The following HRH3 variants were observed in gnomAD, a reference collection of about 807,000 sequenced individuals.
The protein encoded by HRH3 is histamine H3 receptor.
Under a neutral mutation model 21.6 loss-of-function variants are expected in HRH3, and 13 were observed. That is an observed-to-expected ratio of 0.60 (90% CI 0.39 to 0.96). The LOEUF (loss-of-function observed/expected upper bound fraction) is 0.96, where lower values mean the gene tolerates loss of function less well. Among genes scored for constraint, HRH3 ranks in the 40% least tolerant of loss-of-function variants. The pLI is 0.00. For synonymous variants in HRH3, 276 were observed against 290.3 expected (o/e 0.95, Z 0.50); for missense variants, 461 against 622.7 (o/e 0.74, Z 2.76).
In HRH3 at chr20:62,219,024, C is replaced by A. The variant is rs1182846886; in HGVS notation, c.251-367G>T. On this transcript the variant is annotated intron_variant, in intron 1 of 2. Transcript: ENST00000340177. This position sits in a 1 kb window ranked among gnomAD's most constrained non-coding sequence, Gnocchi z 8.7. ...AAGACAATTTCCTTCTCCCCTCCCC[C>A]GCTGGACTCCAGCCCCTACCCTGGC... is the stretch of plus-strand genomic sequence containing the variant. Among the ~76,000 whole-genome samples, 1 of 152,082 alleles carries A rather than the reference C, an allele frequency of 6.6e-6. No homozygotes were observed. Among genetic ancestry groups the A allele is most frequent in the Admixed American group, 6.5e-5 (1 of 15,270 alleles).
chr20:62,215,636 T>C lies in HRH3; in HGVS notation c.*370A>G, dbSNP rs200671893. On this transcript the variant is annotated 3_prime_UTR_variant, in exon 3 of 3. Coordinates refer to ENST00000340177, the MANE Select transcript of HRH3 (RefSeq NM_007232.3). ...GGTGTGTGCACGTGCAGAGGCAAAC[T>C]GCTAGGGCAGGAAGCCTGGAGCACA... The C allele has an allele frequency of 5.4e-5, 21 of 388,322 alleles. No individual in the cohort carries two copies. Among genetic ancestry groups the C allele is most frequent in the South Asian group, 2.1e-4 (10 of 47,426 alleles). 24.1% of individuals were successfully genotyped at this position (388,322 alleles called of 1,614,324 possible).
chr20:62,219,615 TG>T lies in HRH3; in HGVS notation c.250+105del. On this transcript the variant is annotated intron_variant, in intron 1 of 2. Coordinates refer to ENST00000340177, the MANE Select transcript of HRH3 (RefSeq NM_007232.3). This position sits in a 1 kb window ranked among gnomAD's most constrained non-coding sequence, Gnocchi z 8.7. ...CCCCTTCCCAGGCCGGGTCCCCTGG[TG>T]GGGCGTGTGCCTGCGGGAGCCACCC... 1 of 1,393,544 alleles carries T rather than the reference TG, an allele frequency of 7.2e-7. No individual in the cohort carries two copies. The highest frequency in any genetic ancestry group is 9.6e-7 in the Non-Finnish European group (1 of 1,043,566). 86.3% of individuals were successfully genotyped at this position (1,393,544 alleles called of 1,614,324 possible). A position where few individuals can be genotyped will look rare whatever the true frequency, so the allele number is the denominator to read the frequency against.
At position 62,216,060 on chromosome 20, in the gene HRH3, G is replaced by A. The variant is rs201271584; in HGVS notation, c.1284C>T (p.Cys428=). 4.0e-5 allele frequency: 64 copies of A among 1,604,592 alleles called. No individual in the cohort carries two copies. Among genetic ancestry groups the A allele is most frequent in the Non-Finnish European group, 5.4e-5 (64 of 1,176,310 alleles). ...GGGGCTGGATTTTGAGCTTCTGGGG[G>A]CAGAGCAGCTTGGTGAAGGCCCGGC... ...SFRRAFTKLL[C]PQKLKIQPHS... The change falls in exon 3 of 3, where the codon TGC becomes TGT. Residue 428 remains cysteine, a synonymous_variant. Coordinates refer to ENST00000340177, the MANE Select transcript of HRH3 (RefSeq NM_007232.3).
At chr20:62,217,121 C>T (rs41284990) in intron 2 of HRH3, among the ~76,000 whole-genome samples, 195 bp from the exon 3 acceptor site, 3,106 of 152,196 alleles carry the variant, frequency 0.02, 56 homozygotes, top group Non-Finnish European at 0.027. Context: ...TGGTGCCCTG[C>T]CACACTCAGT....
At position 62,216,312 on chromosome 20, in the gene HRH3, G is replaced by A. The variant is rs141729367; in HGVS notation, c.1032C>T (p.Phe344=). Residue 344 remains phenylalanine (F), a synonymous_variant, in exon 3 of 3, where the codon TTC becomes TTT. Coordinates refer to ENST00000340177, the MANE Select transcript of HRH3 (RefSeq NM_007232.3). ...EKRMKMVSQS[F]TQRFRLSRDR... is the part of the protein sequence containing the mutation. ...CCCGAGACAGCCGAAAGCGCTGGGTGAAGCTCTGGGACACCATCTTCATGC... is the reference window on the plus strand; with the variant it reads ...CCCGAGACAGCCGAAAGCGCTGGGTAAAGCTCTGGGACACCATCTTCATGC... 6.8e-4 allele frequency: 1,098 copies of A among 1,610,404 alleles called. 11 individuals are homozygous for A. The African/African-American group carries it at 0.013, about 19-fold the overall frequency.
rs1978670024 is a variant in HRH3 at position 62,218,441 on chromosome 20, T to C, written c.417+50A>G. 1.8e-5 allele frequency: 28 copies of C among 1,582,248 alleles called. No homozygotes were observed. The East Asian group carries it at 6.2e-4, about 35-fold the overall frequency. On this transcript the variant is annotated intron_variant, in intron 2 of 2. Transcript: ENST00000340177. The surrounding 1 kb of genome is among the most constrained non-coding windows in gnomAD (Gnocchi z 5.6). The stretch of plus-strand genomic sequence containing the variant: ...CCCACCCAGGTGCCTCCCATGGGCG[T>C]CCCGACTGTCCCTGCGGAGTGAACA...
chr20:62,215,110 C>G lies in HRH3; in HGVS notation c.*896G>C. On this transcript the variant is annotated 3_prime_UTR_variant, in exon 3 of 3. Transcript: ENST00000340177. ...GCCCGGGCACCTCCTCTGGACCGCCCCTGCACGCCTTGGGACCCTCGGGCC... is the reference window on the plus strand; with the variant it reads ...GCCCGGGCACCTCCTCTGGACCGCCGCTGCACGCCTTGGGACCCTCGGGCC... 2.8e-6 allele frequency: 1 copy of G among 352,084 alleles called. No homozygotes were observed. The highest frequency in any genetic ancestry group is 5.6e-6 in the Non-Finnish European group (1 of 178,348). 21.8% of individuals were successfully genotyped at this position (352,084 alleles called of 1,614,324 possible).
Position 62,216,355 on chromosome 20 carries a change from G to A in HRH3, c.989C>T (p.Ser330Leu), listed in dbSNP as rs769759411. The A allele has an allele frequency of 4.4e-6, 7 of 1,585,168 alleles. No individual in the cohort carries two copies. The highest frequency in any genetic ancestry group is 5.1e-6 in the Non-Finnish European group (6 of 1,165,262). Reference sequence around the variant, plus strand: ...CTTCATGCGCTTCTCCAGCGAGGCCGAGGACGCCGACGGCTTGGAGCCCCT... The same window carrying A: ...CTTCATGCGCTTCTCCAGCGAGGCCAAGGACGCCGACGGCTTGGAGCCCCT... The part of the protein sequence containing the change: ...LKRGSKPSAS[S>L]ASLEKRMKMV... The change falls in exon 3 of 3, where the codon TCG (serine) becomes TTG (leucine). Residue 330 changes from serine to leucine, a missense_variant. Ser to Leu is a moderately radical substitution (Grantham distance 145). Transcript: ENST00000340177.
chr20:62,218,562 G>A lies in HRH3; in HGVS notation c.346C>T (p.Leu116=), dbSNP rs749936943. 6.2e-7 allele frequency: 1 copy of A among 1,612,442 alleles called. No individual in the cohort carries two copies. Among genetic ancestry groups the A allele is most frequent in the Non-Finnish European group, 8.5e-7 (1 of 1,179,982 alleles). Residue 116 remains leucine (L), a synonymous_variant, in exon 2 of 3, where the codon CTG becomes TTG. Transcript: ENST00000340177. This position sits in a 1 kb window ranked among gnomAD's most constrained non-coding sequence, Gnocchi z 5.6. ...LCKLWLVVDY[L]LCTSSAFNIV... Reference sequence around the variant, plus strand: ...TTGAAGGCAGAGGAGGTGCACAGCAGGTAGTCCACTACCAGCCACAGCTTG... The same window carrying A: ...TTGAAGGCAGAGGAGGTGCACAGCAAGTAGTCCACTACCAGCCACAGCTTG...
In HRH3 at chr20:62,218,450, T is replaced by TC; in HGVS notation, c.417+40dup. The TC allele has an allele frequency of 6.3e-7, 1 of 1,597,542 alleles. No homozygotes were observed. Among genetic ancestry groups the TC allele is most frequent in the East Asian group, 2.3e-5 (1 of 44,428 alleles). ...GTGCCTCCCATGGGCGTCCCGACTG[T>TC]CCCTGCGGAGTGAACAGGAGCTCCG... On this transcript the variant is annotated intron_variant, in intron 2 of 2. Coordinates refer to ENST00000340177, the MANE Select transcript of HRH3 (RefSeq NM_007232.3). The surrounding 1 kb of genome is among the most constrained non-coding windows in gnomAD (Gnocchi z 5.6).
chr20:62,217,914 C>T (rs1372030487), intron 2 of HRH3, among the ~76,000 whole-genome samples: 1 of 152,186 alleles, frequency 6.6e-6, no homozygotes, highest in Non-Finnish European at 1.5e-5. Context: ...AAACAACCTG[C>T]CCTCAGTCCT....
In HRH3 at chr20:62,216,863, C is replaced by A; in HGVS notation, c.481G>T (p.Val161Leu). The change falls in exon 3 of 3, where the codon GTG (valine) becomes TTG (leucine). Residue 161 changes from valine to leucine, a missense_variant. Physicochemically the swap from Val to Leu is conservative, Grantham distance 32. Around this residue, in one of 6 missense-constraint regions of HRH3, gnomAD observed 74 missense variants for 86.6 expected, o/e 0.85. Transcript: ENST00000340177. ...GGTCCGTACAGCAGGAAGGCCAGCACCCACACCAGCAGCATCTTCCGCACT... is the reference window on the plus strand; with the variant it reads ...GGTCCGTACAGCAGGAAGGCCAGCAACCACACCAGCAGCATCTTCCGCACT... ...RAVRKMLLVW[V>L]LAFLLYGPAI... 1 of 1,612,584 alleles carries A rather than the reference C, an allele frequency of 6.2e-7. No individual in the cohort carries two copies.
chr20:62,219,733 C>A lies in HRH3; in HGVS notation c.238G>T (p.Asp80Tyr). The A allele has an allele frequency of 6.3e-7, 1 of 1,599,714 alleles. No homozygotes were observed. The highest frequency in any genetic ancestry group is 1.1e-5 in the South Asian group (1 of 89,782). ...GCTGGGGATTTACCGACGAGGAAGT[C>A]GGAGATGGCGAGGTTGAGCAGGAAG... ...NFFLLNLAISDFLVGAFCIPL... is the reference protein window; with the variant it reads ...NFFLLNLAISYFLVGAFCIPL... Residue 80 changes from aspartate to tyrosine, a missense_variant, in exon 1 of 3, where the codon GAC becomes TAC. Asp to Tyr is a radical substitution (Grantham distance 160). Coordinates refer to ENST00000340177, the MANE Select transcript of HRH3 (RefSeq NM_007232.3). The surrounding 1 kb of genome is among the most constrained non-coding windows in gnomAD (Gnocchi z 8.7).
chr20:62,218,417 C>A lies in HRH3; in HGVS notation c.417+74G>T. The A allele has an allele frequency of 6.6e-7, 1 of 1,518,090 alleles. No individual in the cohort carries two copies. The highest frequency in any genetic ancestry group is 2.4e-5 in the East Asian group (1 of 42,074). The allele number at this position is 1,518,090 out of a possible 1,614,324, so 94.0% of individuals were successfully genotyped here. On this transcript the variant is annotated intron_variant, in intron 2 of 2. Transcript: ENST00000340177. The surrounding 1 kb of genome is among the most constrained non-coding windows in gnomAD (Gnocchi z 5.6). ...GCCCACAACTCAGAAGTGGCCGTCC[C>A]CACCCAGGTGCCTCCCATGGGCGTC...
rs1978650209 is a variant in HRH3, at chr20:62,218,034, T to G, written c.417+457A>C. 6.6e-6 allele frequency among the ~76,000 whole-genome samples: 1 copy of G among 152,078 alleles called. No homozygotes were observed. The highest frequency in any genetic ancestry group is 2.4e-5 in the African/African-American group (1 of 41,426). Reference sequence around the variant, plus strand: ...GCTGCATGGCCCCGATGCGGGAGCCTGGGTGGGGCAGGGTCCCTGACTCAG... The same window carrying G: ...GCTGCATGGCCCCGATGCGGGAGCCGGGGTGGGGCAGGGTCCCTGACTCAG... On this transcript the variant is annotated intron_variant, in intron 2 of 2. Transcript: ENST00000340177. This position sits in a 1 kb window ranked among gnomAD's most constrained non-coding sequence, Gnocchi z 5.6.
At chr20:62,216,968 A>G (rs756807392) in intron 2 of HRH3, 42 bp from the exon 3 acceptor site, 5 of 1,530,898 alleles carry the variant, frequency 3.3e-6, no homozygotes, top group Non-Finnish European at 4.4e-6. Context: ...CGGAAGGAAT[A>G]TTGGGCTGGG....
Position 62,216,587 on chromosome 20 carries a change from G to T in HRH3, c.757C>A (p.Pro253Thr). ...EPPPEAQPSP[P>T]PPPGCWGCWQ... ...CAGCCCCAGCAGCCAGGCGGTGGGG[G>T]TGGTGAGGGCTGGGCCTCGGGAGGG... is the stretch of plus-strand genomic sequence containing the variant. The change falls in exon 3 of 3, where the codon CCC becomes ACC. Residue 253 changes from proline to threonine, a missense_variant. Pro to Thr is a conservative substitution (Grantham distance 38, BLOSUM62 -1). Coordinates refer to ENST00000340177, the MANE Select transcript of HRH3 (RefSeq NM_007232.3). 2 of 1,607,102 alleles carry T rather than the reference G, an allele frequency of 1.2e-6. No homozygotes were observed. Among genetic ancestry groups the T allele is most frequent in the Non-Finnish European group, 1.7e-6 (2 of 1,177,076 alleles).
rs1183610526 is a variant in HRH3, at chr20:62,218,467, G to A, written c.417+24C>T. 6.2e-7 allele frequency: 1 copy of A among 1,606,534 alleles called. No homozygotes were observed. Among genetic ancestry groups the A allele is most frequent in the Non-Finnish European group, 8.5e-7 (1 of 1,178,588 alleles). On this transcript the variant is annotated intron_variant, in intron 2 of 2. Coordinates refer to ENST00000340177, the MANE Select transcript of HRH3 (RefSeq NM_007232.3). The surrounding 1 kb of genome is among the most constrained non-coding windows in gnomAD (Gnocchi z 5.6). ...CCCGACTGTCCCTGCGGAGTGAACAGGAGCTCCGCAGCCCAGGACTCACCG... is the reference window on the plus strand; with the variant it reads ...CCCGACTGTCCCTGCGGAGTGAACAAGAGCTCCGCAGCCCAGGACTCACCG...
rs778045786 is a variant in HRH3, at chr20:62,218,330, G to A, written c.417+161C>T. Among the ~76,000 whole-genome samples the A allele has an allele frequency of 6.6e-6, 1 of 152,256 alleles. No homozygotes were observed. The highest frequency in any genetic ancestry group is 1.5e-5 in the Non-Finnish European group (1 of 68,040). On this transcript the variant is annotated intron_variant, in intron 2 of 2. Transcript: ENST00000340177. This position sits in a 1 kb window ranked among gnomAD's most constrained non-coding sequence, Gnocchi z 5.6. ...TGGCTGCAGCCATGGCCCCGAGTGG[G>A]CAGCTGGCCGTCGAGTGGCCCATGT...
Sources: gnomAD v4.1 joint callset for allele counts (sites outside exome capture counted in the v4.1 genomes callset) on GRCh38, gnomAD v4.1.1 for gene constraint, gnomAD v4.1.1 regional missense constraint, Gnocchi (gnomAD v3.1) non-coding constraint, MANE v1.5 for transcripts, NCBI Gene and HGNC (gene_info 2026-07-23, HGNC 2026-07-21) for gene names.